Variants in MTFMT observed in about 807,000 individuals in gnomAD.
MTFMT encodes the protein mitochondrial methionyl-tRNA formyltransferase, also known as methionyl-tRNA formyltransferase, mitochondrial.
A neutral mutation model predicts 51.8 loss-of-function variants in MTFMT; 47 were observed. That is an observed-to-expected ratio of 0.91 (90% CI 0.72 to 1.16). The LOEUF (loss-of-function observed/expected upper bound fraction) is 1.16, where lower values mean the gene tolerates loss of function less well. Ranked by LOEUF, MTFMT falls within the 50% of genes most tolerant of loss-of-function variation. The probability of loss-of-function intolerance (pLI) is 0.00; values close to 1 mark genes in which losing one functional copy is unlikely to be tolerated. For synonymous variants in MTFMT, 196 were observed against 176.7 expected (o/e 1.11, Z -0.87); for missense variants, 512 against 482.3 (o/e 1.06, Z -0.58).
At chr15:65,013,851 T>C (rs2086291346) in intron 6 of MTFMT, among the ~76,000 whole-genome samples, 1 of 150,998 alleles carries the variant, frequency 6.6e-6, no homozygotes, top group African/African-American at 2.4e-5. Context: ...GAGGCTGAGG[T>C]AGAATTGCTA....
intron 2 of MTFMT, 72 bp downstream of exon 2, chr15:65,026,759 A>T: frequency 8.5e-7 from 1 of 1,173,598 alleles, no homozygotes; most frequent in Non-Finnish European, 1.2e-6. Flanking sequence ...TCAAATTATC[A>T]CATTTTATAT....
chr15:65,026,288 G>C (rs1260511193), intron 2 of MTFMT: 1 of 187,952 alleles, frequency 5.3e-6, no homozygotes, highest in African/African-American at 2.4e-5. Flanking sequence ...GGCTCTTACA[G>C]CTGCTGGCTT....
At chr15:65,006,070 A>G (rs755719151) in intron 7 of MTFMT, 43 bp downstream of exon 7, 7 of 1,372,996 alleles carry the variant, frequency 5.1e-6, no homozygotes, top group Non-Finnish European at 7.3e-6. Context: ...CAGATACACT[A>G]CAGTGAAAAC....
chr15:65,006,792 A>C (rs2086223396), intron 6 of MTFMT, among the ~76,000 whole-genome samples: 1 of 152,194 alleles, frequency 6.6e-6, no homozygotes, highest in Non-Finnish European at 1.5e-5. Flanking sequence ...TATGTTAAAA[A>C]ATTTTAGAAA....
chr15:65,004,946 G>A lies in MTFMT; in HGVS notation c.893-10C>T, dbSNP rs1181394170. ...CCCGTTAATTTTGGATCTGAAGAATGGAAAAAAGAAAAGATATACAAGAGA... is the reference window on the plus strand; with the variant it reads ...CCCGTTAATTTTGGATCTGAAGAATAGAAAAAAGAAAAGATATACAAGAGA... On this transcript the variant is annotated splice_polypyrimidine_tract_variant and intron_variant, in intron 7 of 8. Coordinates refer to ENST00000220058, the MANE Select transcript of MTFMT (RefSeq NM_139242.4). 2 of 1,593,940 alleles carry A rather than the reference G, an allele frequency of 1.3e-6. No homozygotes were observed. The highest frequency in any genetic ancestry group is 1.7e-5 in the Admixed American group (1 of 59,628).
intron 2 of MTFMT, among the ~76,000 whole-genome samples, chr15:65,025,248 A>T (rs1193198295): frequency 1.3e-5 from 2 of 151,336 alleles, no homozygotes; most frequent in Non-Finnish European, 2.9e-5. Flanking sequence ...AAAAAAAAAA[A>T]AAAAGAGTTA....
At chr15:65,013,449 T>G (rs1341666565) in intron 6 of MTFMT, among the ~76,000 whole-genome samples, 1 of 152,190 alleles carries the variant, frequency 6.6e-6, no homozygotes, top group Non-Finnish European at 1.5e-5. Context: ...TACAGGGTCT[T>G]CATAGATGTC....
chr15:65,004,217 A>G (rs148070109), intron 8 of MTFMT, among the ~76,000 whole-genome samples: 200 of 151,936 alleles, frequency 1.3e-3, no homozygotes, highest in African/African-American at 4.8e-3. Context: ...GGGTTTCTCT[A>G]TGTTGGTCAG....
intron 6 of MTFMT, among the ~76,000 whole-genome samples, chr15:65,009,797 G>A (rs2086248579): frequency 6.6e-6 from 1 of 152,006 alleles, no homozygotes; most frequent in Non-Finnish European, 1.5e-5. Context: ...GGGACTACAG[G>A]TGCATCCCAC....
chr15:65,009,652 T>G (rs574609250), intron 6 of MTFMT, among the ~76,000 whole-genome samples: 1 of 147,728 alleles, frequency 6.8e-6, no homozygotes, highest in East Asian at 2.0e-4. Context: ...TCTTTTTATT[T>G]TTTTAATTTT....
At position 65,029,499 on chromosome 15, in the gene MTFMT, C is replaced by T. The variant is rs1394454415; in HGVS notation, c.115G>A (p.Asp39Asn). ...GGAGGCTTCTCGCGGACTCTGGAGT[C>T]CCGGCAGTCCTCCCAGCCGAGTCGG... ...LARLGWEDCR[D>N]SRVREKPPWR... The change falls in exon 1 of 9, where the codon GAC (aspartate) becomes AAC (asparagine). Residue 39 changes from aspartate to asparagine, a missense_variant. By Grantham distance (23) the Asp-to-Asn change is conservative. Transcript: ENST00000220058. 1 of 1,532,666 alleles carries T rather than the reference C, an allele frequency of 6.5e-7. No individual in the cohort carries two copies. 94.9% of individuals were successfully genotyped at this position (1,532,666 alleles called of 1,614,324 possible).
At chr15:65,007,652 G>C (rs928527770) in intron 6 of MTFMT, among the ~76,000 whole-genome samples, 1 of 152,088 alleles carries the variant, frequency 6.6e-6, no homozygotes, top group African/African-American at 2.4e-5. Context: ...GGATAAGTGA[G>C]AAAAAAATAT....
intron 6 of MTFMT, among the ~76,000 whole-genome samples, chr15:65,009,021 G>A (rs921393196): frequency 6.6e-6 from 1 of 152,128 alleles, no homozygotes; most frequent in African/African-American, 2.4e-5. Flanking sequence ...TGCCAAAATA[G>A]TATGTTTGCA....
intron 2 of MTFMT, among the ~76,000 whole-genome samples, chr15:65,024,632 C>A (rs765687539): frequency 6.6e-6 from 1 of 151,668 alleles, no homozygotes; most frequent in Non-Finnish European, 1.5e-5. Flanking sequence ...ATTCACTGAG[C>A]GCACTCCATG....
chr15:65,009,342 T>A (rs1376267189), intron 6 of MTFMT, among the ~76,000 whole-genome samples: 1 of 152,252 alleles, frequency 6.6e-6, no homozygotes, highest in East Asian at 1.9e-4. Flanking sequence ...TATCTCCATA[T>A]GAACGTCTTC....
intron 8 of MTFMT, 48 bp from the exon 9 acceptor site, chr15:65,003,304 AAAAGCCAAG>A: frequency 7.0e-7 from 1 of 1,430,690 alleles, no homozygotes; most frequent in Non-Finnish European, 9.7e-7. Flanking sequence ...GGCAAAACTA[AAAAGCCAAG>A]TAAATATTAG....
intron 6 of MTFMT, 103 bp downstream of exon 6, chr15:65,016,333 G>T: frequency 3.0e-6 from 2 of 664,370 alleles, no homozygotes; most frequent in Non-Finnish European, 2.6e-6. Flanking sequence ...TTTTATTTGG[G>T]ATATTTTTAT....
chr15:65,021,242 A>G (rs2086371752), intron 4 of MTFMT, among the ~76,000 whole-genome samples: 1 of 152,192 alleles, frequency 6.6e-6, no homozygotes, highest in Non-Finnish European at 1.5e-5. Context: ...TGAAATTGAG[A>G]AGAATAGTCT....
chr15:65,026,806 G>T, intron 2 of MTFMT, 25 bp downstream of exon 2: 1 of 1,592,886 alleles, frequency 6.3e-7, no homozygotes, highest in Non-Finnish European at 8.6e-7. Flanking sequence ...TTTCTATACT[G>T]TATTTCCTTA....
Sources: gnomAD v4.1 joint callset for allele counts (sites outside exome capture counted in the v4.1 genomes callset) on GRCh38, gnomAD v4.1.1 for gene constraint, MANE v1.5 for transcripts, NCBI Gene and HGNC (gene_info 2026-07-23, HGNC 2026-07-21) for gene names.